DOK6: variants seen among roughly 807,000 people sequenced by gnomAD.
DOK6 encodes the protein docking protein 6.
In DOK6, 22 loss-of-function variants were observed where a neutral mutation model predicts 44.0. The ratio of observed to expected loss-of-function variants is 0.50; its 90% CI spans 0.36 to 0.71. The LOEUF (loss-of-function observed/expected upper bound fraction) is 0.71, where lower values mean the gene tolerates loss of function less well. DOK6 is among the 30% of genes least tolerant of loss of function. The pLI is 0.00. For missense variants in DOK6, 340 were observed against 416.4 expected, an observed-to-expected ratio of 0.82 and a Z score of 1.60; for synonymous variants, 166 against 145.5, an observed-to-expected ratio of 1.14 and a Z score of -1.01.
chr18:69,508,668 G>A (rs1050929067), intron 1 of DOK6, among the ~76,000 whole-genome samples: 13 of 152,156 alleles, frequency 8.5e-5, no homozygotes, highest in South Asian at 2.1e-4. Flanking sequence ...TAAAATTGGC[G>A]TGATGGGTCA....
chr18:69,613,130 C>T (rs1158622771), intron 3 of DOK6, among the ~76,000 whole-genome samples: 1 of 152,210 alleles, frequency 6.6e-6, no homozygotes, highest in Admixed American at 6.5e-5. Flanking sequence ...CTCGGCCTCT[C>T]AAAGTGCTGG....
At chr18:69,499,176 C>G (rs1010675045) in intron 1 of DOK6, among the ~76,000 whole-genome samples, 2 of 151,856 alleles carry the variant, frequency 1.3e-5, no homozygotes, top group African/African-American at 4.8e-5. Flanking sequence ...ATAAATTTCT[C>G]TCCATAATTT....
intron 7 of DOK6, among the ~76,000 whole-genome samples, chr18:69,799,997 T>C (rs1323240305): frequency 1.3e-5 from 2 of 152,100 alleles, no homozygotes; most frequent in East Asian, 1.9e-4. Flanking sequence ...AGGCAACAAA[T>C]TGAAATCAGC....
chr18:69,463,248 T>C (rs1043351720), intron 1 of DOK6, among the ~76,000 whole-genome samples: 2 of 152,126 alleles, frequency 1.3e-5, no homozygotes, highest in Non-Finnish European at 2.9e-5. Flanking sequence ...TTCTGCCCTC[T>C]GTACCTAATA....
chr18:69,565,470 T>C (rs1982946360), intron 2 of DOK6, among the ~76,000 whole-genome samples: 1 of 135,608 alleles, frequency 7.4e-6, no homozygotes. Flanking sequence ...ATCTTCTGTC[T>C]CTACGTGTGT....
intron 1 of DOK6, among the ~76,000 whole-genome samples, chr18:69,469,138 G>C (rs1198405381): frequency 6.6e-6 from 1 of 152,220 alleles, no homozygotes; most frequent in African/African-American, 2.4e-5. Flanking sequence ...TAAAGAGGAA[G>C]AGTGACACGG....
chr18:69,598,182 T>G (rs1983790864), intron 2 of DOK6, among the ~76,000 whole-genome samples: 1 of 151,880 alleles, frequency 6.6e-6, no homozygotes, highest in Non-Finnish European at 1.5e-5. Flanking sequence ...TAATAAAATA[T>G]TATTTCCTTA....
At chr18:69,762,411 T>C (rs1979589868) in intron 7 of DOK6, among the ~76,000 whole-genome samples, 1 of 152,220 alleles carries the variant, frequency 6.6e-6, no homozygotes, top group South Asian at 2.1e-4. Context: ...GAAGTGGCAT[T>C]ACCTCTTCTT....
At position 69,647,023 on chromosome 18, in the gene DOK6, A is replaced by G. The variant is rs1985092144; in HGVS notation, c.290-30711A>G. Among the ~76,000 whole-genome samples, 3 of 120,108 alleles carry G rather than the reference A, an allele frequency of 2.5e-5. 1 individual carries two copies. 78.8% of individuals were successfully genotyped at this position (120,108 alleles called of 152,430 possible). A position where few individuals can be genotyped will look rare whatever the true frequency, so the allele number is the denominator to read the frequency against. ...CTATCTAATCTATCTACTCTATCTC[A>G]TCTATCCATCTGTCTATCCTGTCTA... On this transcript the variant is annotated intron_variant, in intron 3 of 7. Coordinates refer to ENST00000382713, the MANE Select transcript of DOK6 (RefSeq NM_152721.6).
chr18:69,574,490 T>G (rs1983191449), intron 2 of DOK6, among the ~76,000 whole-genome samples: 1 of 152,066 alleles, frequency 6.6e-6, no homozygotes, highest in Admixed American at 6.6e-5. Flanking sequence ...ACGTGACACT[T>G]AAGGGACTTC....
At chr18:69,517,575 G>A (rs1981564406) in intron 1 of DOK6, among the ~76,000 whole-genome samples, 1 of 152,086 alleles carries the variant, frequency 6.6e-6, no homozygotes, top group South Asian at 2.1e-4. Flanking sequence ...GTAGCTAGAA[G>A]TTGAGCTGTG....
chr18:69,785,407 C>T (rs1449619587), intron 7 of DOK6, among the ~76,000 whole-genome samples: 3 of 152,200 alleles, frequency 2.0e-5, no homozygotes, highest in Admixed American at 1.3e-4. Context: ...AACTATATAA[C>T]TATGGTGGTC....
At chr18:69,754,338 G>T (rs1167449211) in intron 6 of DOK6, among the ~76,000 whole-genome samples, 1 of 129,106 alleles carries the variant, frequency 7.7e-6, no homozygotes, top group African/African-American at 2.8e-5. Context: ...GCAACAGAGT[G>T]AGACCCTATC....
At chr18:69,788,233 C>A (rs1980491259) in intron 7 of DOK6, among the ~76,000 whole-genome samples, 1 of 152,174 alleles carries the variant, frequency 6.6e-6, no homozygotes, top group African/African-American at 2.4e-5. Flanking sequence ...GTTCTCCTCA[C>A]AAAGCAGGAT....
intron 1 of DOK6, among the ~76,000 whole-genome samples, chr18:69,474,702 T>A (rs75444212): frequency 6.6e-6 from 1 of 152,328 alleles, no homozygotes; most frequent in East Asian, 1.9e-4. Flanking sequence ...TCTTTGGCTA[T>A]AGGATAACTA....
intron 3 of DOK6, chr18:69,661,957 A>C (rs1445013019): frequency 1.3e-5 from 2 of 152,160 alleles, no homozygotes; most frequent in African/African-American, 4.8e-5. Context: ...AACAAACAGT[A>C]ATCAGAAGGG....
At chr18:69,683,313 A>G (rs1225160452) in intron 4 of DOK6, among the ~76,000 whole-genome samples, 2 of 152,216 alleles carry the variant, frequency 1.3e-5, no homozygotes, top group African/African-American at 4.8e-5. Context: ...AATCTGTTGA[A>G]CTTAACACTG....
At chr18:69,738,930 G>C (rs1450631255) in intron 5 of DOK6, 35 bp from the exon 6 acceptor site, 1 of 1,610,942 alleles carries the variant, frequency 6.2e-7, no homozygotes, top group Non-Finnish European at 8.5e-7. Flanking sequence ...TGAACACATG[G>C]AGACCCATCT....
intron 7 of DOK6, among the ~76,000 whole-genome samples, chr18:69,802,409 T>C (rs1980929650): frequency 6.6e-6 from 1 of 152,204 alleles, no homozygotes; most frequent in African/African-American, 2.4e-5. Context: ...TCAGTACTTG[T>C]TACAGAAATA....
Sources: gnomAD v4.1 joint callset for allele counts (sites outside exome capture counted in the v4.1 genomes callset) on GRCh38, gnomAD v4.1.1 for gene constraint, MANE v1.5 for transcripts, NCBI Gene and HGNC (gene_info 2026-07-23, HGNC 2026-07-21) for gene names.